Variants in PSD observed in about 807,000 individuals in gnomAD.
PSD encodes PH and SEC7 domain-containing protein 1.
In PSD, 32 loss-of-function variants were observed where a neutral mutation model predicts 91.6. The observed-to-expected ratio is 0.35, with a 90% CI of 0.26 to 0.47. The LOEUF is 0.47. PSD is among the 20% of genes least tolerant of loss of function. The pLI is 1.00. For missense variants in PSD, 1,099 were observed against 1,373.9 expected (o/e 0.80, Z 3.16); for synonymous variants, 532 against 569.3 (o/e 0.93, Z 0.93).
Position 102,405,141 on chromosome 10 carries a change from C to A in PSD, c.2397+42G>T, listed in dbSNP as rs376410260. 1.2e-5 allele frequency: 20 copies of A among 1,610,596 alleles called. No individual in the cohort carries two copies. Among genetic ancestry groups the A allele is most frequent in the Non-Finnish European group, 1.6e-5 (19 of 1,179,366 alleles). ...CCACCCATCACCCCACACCCACCAG[C>A]CAACTCAGTCCCAGCCCCAGCCCCC... On this transcript the variant is annotated intron_variant, in intron 13 of 16. Coordinates refer to ENST00000020673, the MANE Select transcript of PSD (RefSeq NM_002779.5). The surrounding 1 kb of genome is among the most constrained non-coding windows in gnomAD (Gnocchi z 5.4).
In PSD at chr10:102,405,509, CAGAG is replaced by C; in HGVS notation, c.2159_2162del (p.Ser720CysfsTer29). On this transcript the variant is annotated frameshift_variant, in exon 12 of 17. Transcript: ENST00000020673. LOFTEE classifies it high-confidence loss of function. This position sits in a 1 kb window ranked among gnomAD's most constrained non-coding sequence, Gnocchi z 5.4. ...TGGGGTTGGGGTCGGCCAACTCAGA[CAGAG>C]AGCGTCTCAGCTCCTCCTCGTCTCT... 1 of 1,613,832 alleles carries C rather than the reference CAGAG, an allele frequency of 6.2e-7. No individual in the cohort carries two copies. The highest frequency in any genetic ancestry group is 8.5e-7 in the Non-Finnish European group (1 of 1,179,934).
In PSD at chr10:102,403,938, A is replaced by G. The variant is rs1251396099; in HGVS notation, c.2748T>C (p.Ser916=). ...THEAKLKAMA[S]ELREHRAAQL... is the part of the protein sequence containing the mutation. ...GGGCGGCCCGGTGCTCCCGCAGCTCACTTGCCATGGCCTTCAGCTTGGCCT... is the reference window on the plus strand; with the variant it reads ...GGGCGGCCCGGTGCTCCCGCAGCTCGCTTGCCATGGCCTTCAGCTTGGCCT... Residue 916 remains serine, a synonymous_variant, in exon 16 of 17, where the codon AGT becomes AGC. Coordinates refer to ENST00000020673, the MANE Select transcript of PSD (RefSeq NM_002779.5). This position sits in a 1 kb window ranked among gnomAD's most constrained non-coding sequence, Gnocchi z 6.7. 2.5e-6 allele frequency: 4 copies of G among 1,584,984 alleles called. No individual in the cohort carries two copies. In the Admixed American group the frequency reaches 7.2e-5, roughly 28 times the overall value.
Position 102,410,552 on chromosome 10 carries a change from T to A in PSD, c.2091+306A>T, listed in dbSNP as rs2061414480. Among the ~76,000 whole-genome samples the A allele has an allele frequency of 6.6e-6, 1 of 152,138 alleles. No homozygotes were observed. Among genetic ancestry groups the A allele is most frequent in the South Asian group, 2.1e-4 (1 of 4,832 alleles). The stretch of plus-strand genomic sequence containing the variant: ...TCCCGCCTTCCACCCCAGCGCACAC[T>A]GGAGGAGGGGAACTGAAGGCAAACG... On this transcript the variant is annotated intron_variant, in intron 10 of 16. Transcript: ENST00000020673. This position sits in a 1 kb window ranked among gnomAD's most constrained non-coding sequence, Gnocchi z 6.0.
rs1436244192 is a variant in PSD at position 102,404,558 on chromosome 10, A to T, written c.2700+25T>A. On this transcript the variant is annotated intron_variant, in intron 15 of 16. Transcript: ENST00000020673. This position sits in a 1 kb window ranked among gnomAD's most constrained non-coding sequence, Gnocchi z 5.7. ...GCCTAACACCCTCCATCCCACTGGC[A>T]CTAGGTGGACAGAGCTTGGGCTACC... 3 of 1,608,228 alleles carry T rather than the reference A, an allele frequency of 1.9e-6. No homozygotes were observed. Among genetic ancestry groups the T allele is most frequent in the Middle Eastern group, 3.3e-4 (2 of 5,972 alleles).
chr10:102,403,489 A>G lies in PSD; in HGVS notation c.2845-59T>C, dbSNP rs2061310763. 28 of 1,486,330 alleles carry G rather than the reference A, an allele frequency of 1.9e-5. No individual in the cohort carries two copies. Among genetic ancestry groups the G allele is most frequent in the Non-Finnish European group, 2.5e-5 (28 of 1,103,956 alleles). 92.1% of individuals were successfully genotyped at this position (1,486,330 alleles called of 1,614,324 possible). The stretch of plus-strand genomic sequence containing the variant: ...TTCTCTGCCTTCTGCCCACCCCACC[A>G]TCTGGACCAGGGAGGGCCGCCAGCA... On this transcript the variant is annotated intron_variant, in intron 16 of 16. Transcript: ENST00000020673. The surrounding 1 kb of genome is among the most constrained non-coding windows in gnomAD (Gnocchi z 6.7).
At chr10:102,411,247 A>G in intron 8 of PSD, 131 bp from the exon 9 acceptor site, 1 of 731,350 alleles carries the variant, frequency 1.4e-6, no homozygotes, top group Non-Finnish European at 2.2e-6. Flanking sequence ...CCGCTAGTAA[A>G]CCCTCCCCAC....
Position 102,403,304 on chromosome 10 carries a change from GAGA to G in PSD, c.2968_2970del (p.Ser990del), listed in dbSNP as rs773740534. On this transcript the variant is annotated inframe_deletion, in exon 17 of 17. Coordinates refer to ENST00000020673, the MANE Select transcript of PSD (RefSeq NM_002779.5). This position sits in a 1 kb window ranked among gnomAD's most constrained non-coding sequence, Gnocchi z 6.7. Reference sequence around the variant, plus strand: ...TTGGGCTGCAGGGAGGGACTGGAGTGAGAAGGAGGGAGTCCATCCTCTGTGCTC... The same window carrying G: ...TTGGGCTGCAGGGAGGGACTGGAGTGAGGAGGGAGTCCATCCTCTGTGCTC... 5 of 1,614,068 alleles carry G rather than the reference GAGA, an allele frequency of 3.1e-6. No individual in the cohort carries two copies. Among genetic ancestry groups the G allele is most frequent in the Admixed American group, 3.3e-5 (2 of 60,016 alleles).
chr10:102,418,884 G>A (rs894856663), upstream of PSD: 12 of 338,016 alleles, frequency 3.6e-5, no homozygotes, highest in African/African-American at 3.0e-4. Context: ...CCAGGGCCCA[G>A]AGCCCCGGAG....
intron 1 of PSD, 41 bp downstream of exon 1, chr10:102,418,660 T>C (rs1198584297): frequency 2.2e-6 from 1 of 453,140 alleles, no homozygotes; most frequent in East Asian, 7.0e-5. Flanking sequence ...TCCCAGCGCA[T>C]ACCCGGTGCA....
At chr10:102,406,656 T>C (rs1040658510) in intron 11 of PSD, among the ~76,000 whole-genome samples, 10 of 152,168 alleles carry the variant, frequency 6.6e-5, no homozygotes, top group East Asian at 3.9e-4. Flanking sequence ...TACAGGTGCG[T>C]GCCACCACGC....
Position 102,403,503 on chromosome 10 carries a change from G to T in PSD, c.2845-73C>A. 2 of 1,417,180 alleles carry T rather than the reference G, an allele frequency of 1.4e-6. No individual in the cohort carries two copies. The highest frequency in any genetic ancestry group is 2.4e-5 in the East Asian group (1 of 40,820). 87.8% of individuals were successfully genotyped at this position (1,417,180 alleles called of 1,614,324 possible). Reference sequence around the variant, plus strand: ...CCCACCCCACCATCTGGACCAGGGAGGGCCGCCAGCAGGGCAGAAGATGGC... The same window carrying T: ...CCCACCCCACCATCTGGACCAGGGATGGCCGCCAGCAGGGCAGAAGATGGC... On this transcript the variant is annotated intron_variant, in intron 16 of 16. Transcript: ENST00000020673. The surrounding 1 kb of genome is among the most constrained non-coding windows in gnomAD (Gnocchi z 6.7).
rs1283097179 is a variant in PSD at position 102,416,631 on chromosome 10, C to T, written c.408G>A (p.Arg136=). ...AGCCAGGCCCAAGGGCTGGGGTGGGCCTGGGAGGAGAAACCCCACCCAGAT... is the reference window on the plus strand; with the variant it reads ...AGCCAGGCCCAAGGGCTGGGGTGGGTCTGGGAGGAGAAACCCCACCCAGAT... The part of the protein sequence containing the change: ...SWDLGGVSPP[R]PTPALGPGSN... The change falls in exon 2 of 17, where the codon AGG becomes AGA. Residue 136 remains arginine (R), a synonymous_variant. Coordinates refer to ENST00000020673, the MANE Select transcript of PSD (RefSeq NM_002779.5). This position sits in a 1 kb window ranked among gnomAD's most constrained non-coding sequence, Gnocchi z 6.0. 1 of 1,607,152 alleles carries T rather than the reference C, an allele frequency of 6.2e-7. No individual in the cohort carries two copies. Among genetic ancestry groups the T allele is most frequent in the Admixed American group, 1.7e-5 (1 of 59,054 alleles).
In PSD at chr10:102,403,017, G is replaced by T. The variant is rs1349038756; in HGVS notation, c.*183C>A. 3.3e-5 allele frequency: 13 copies of T among 388,658 alleles called. No individual in the cohort carries two copies. The highest frequency in any genetic ancestry group is 4.5e-5 in the Non-Finnish European group (10 of 220,674). 24.1% of individuals were successfully genotyped at this position (388,658 alleles called of 1,614,324 possible). On this transcript the variant is annotated 3_prime_UTR_variant, in exon 17 of 17. Coordinates refer to ENST00000020673, the MANE Select transcript of PSD (RefSeq NM_002779.5). The surrounding 1 kb of genome is among the most constrained non-coding windows in gnomAD (Gnocchi z 6.7). The stretch of plus-strand genomic sequence containing the variant: ...TTATCACAAAAAGGGGCTCTCGGAG[G>T]TGCCCCTAGCCTAGGCTCCTGAGGC...
rs754826345 is a variant in PSD, at chr10:102,414,987, G to T, written c.1000C>A (p.Arg334=). Residue 334 remains arginine (R), a synonymous_variant, in exon 4 of 17, where the codon CGG becomes AGG. Coordinates refer to ENST00000020673, the MANE Select transcript of PSD (RefSeq NM_002779.5). The surrounding 1 kb of genome is among the most constrained non-coding windows in gnomAD (Gnocchi z 5.6). ...PPGTAYPPAP[R]PGPLPGPHPS... is the part of the protein sequence containing the mutation. ...TGAGGGCCAGGGAGTGGGCCGGGCC[G>T]TGGGGCAGGTGGGTAGGCAGTGCCT... 68 of 1,600,022 alleles carry T rather than the reference G, an allele frequency of 4.2e-5. No homozygotes were observed. Among genetic ancestry groups the T allele is most frequent in the Non-Finnish European group, 5.7e-5 (67 of 1,170,168 alleles).
Position 102,414,163 on chromosome 10 carries a change from G to A in PSD, c.1159C>T (p.Pro387Ser), listed in dbSNP as rs1199650528. Residue 387 changes from proline (P) to serine (S), a missense_variant, in exon 5 of 17, where the codon CCC becomes TCC. Pro to Ser is a moderately conservative substitution (Grantham distance 74). Transcript: ENST00000020673. This position sits in a 1 kb window ranked among gnomAD's most constrained non-coding sequence, Gnocchi z 5.6. Reference protein sequence around the residue: ...GSRMPLKSPVPFLPGTSPSAD... With the variant: ...GSRMPLKSPVSFLPGTSPSAD... Reference sequence around the variant, plus strand: ...GAGGGGCTCGTCCCAGGTAGAAAGGGCACAGGTGACTTGAGAGGCATCCGG... The same window carrying A: ...GAGGGGCTCGTCCCAGGTAGAAAGGACACAGGTGACTTGAGAGGCATCCGG... 4 of 1,613,334 alleles carry A rather than the reference G, an allele frequency of 2.5e-6. No homozygotes were observed. The highest frequency in any genetic ancestry group is 1.7e-4 in the Middle Eastern group (1 of 6,050).
chr10:102,412,174 G>T lies in PSD; in HGVS notation c.1802C>A (p.Thr601Lys). 1 of 1,614,144 alleles carries T rather than the reference G, an allele frequency of 6.2e-7. No individual in the cohort carries two copies. Among genetic ancestry groups the T allele is most frequent in the Non-Finnish European group, 8.5e-7 (1 of 1,180,000 alleles). The change falls in exon 7 of 17, where the codon ACG becomes AAG. Residue 601 changes from threonine (T) to lysine (K), a missense_variant. Transcript: ENST00000020673. ...AGEYLKFFVF[T>K]GMTLDQALRV... ...GAGAGCTTGGTCCAGAGTCATGCCCGTGAAGACAAAGAACTTGAGGTACTC... is the reference window on the plus strand; with the variant it reads ...GAGAGCTTGGTCCAGAGTCATGCCCTTGAAGACAAAGAACTTGAGGTACTC...
In PSD at chr10:102,416,947, A is replaced by C; in HGVS notation, c.92T>G (p.Val31Gly). ...CATGCTGGCTGGGGGGCTCTGGGGC[A>C]CCGGGCCTTCGGGGAGCCAGCGGCG... Reference protein sequence around the residue: ...CPRRWLPEGPVPQSPPASMYG... With the variant: ...CPRRWLPEGPGPQSPPASMYG... The change falls in exon 2 of 17, where the codon GTG becomes GGG. Residue 31 changes from valine (V) to glycine (G), a missense_variant. Around this residue, in one of 3 missense-constraint regions of PSD, gnomAD observed 631 missense variants for 728.8 expected, o/e 0.87. Transcript: ENST00000020673. This position sits in a 1 kb window ranked among gnomAD's most constrained non-coding sequence, Gnocchi z 6.0. 1 of 1,603,132 alleles carries C rather than the reference A, an allele frequency of 6.2e-7. No homozygotes were observed. Among genetic ancestry groups the C allele is most frequent in the Non-Finnish European group, 8.5e-7 (1 of 1,179,400 alleles).
Position 102,416,964 on chromosome 10 carries a change from C to A in PSD, c.75G>T (p.Trp25Cys). ...TCTGGGGCACCGGGCCTTCGGGGAG[C>A]CAGCGGCGTGGGCATCGTGGTGGGG... ...AISPPRCPRR[W>C]LPEGPVPQSP... Residue 25 changes from tryptophan (W) to cysteine (C), a missense_variant, in exon 2 of 17, where the codon TGG becomes TGT. Around this residue, in one of 3 missense-constraint regions of PSD, gnomAD observed 631 missense variants for 728.8 expected, o/e 0.87. Coordinates refer to ENST00000020673, the MANE Select transcript of PSD (RefSeq NM_002779.5). The surrounding 1 kb of genome is among the most constrained non-coding windows in gnomAD (Gnocchi z 6.0). The A allele has an allele frequency of 6.2e-7, 1 of 1,601,618 alleles. No individual in the cohort carries two copies. The highest frequency in any genetic ancestry group is 8.5e-7 in the Non-Finnish European group (1 of 1,179,376).
Position 102,403,101 on chromosome 10 carries a change from C to T in PSD, c.*99G>A, listed in dbSNP as rs1012293351. The T allele has an allele frequency of 2.0e-5, 21 of 1,031,676 alleles. No homozygotes were observed. Among genetic ancestry groups the T allele is most frequent in the African/African-American group, 6.7e-5 (4 of 59,470 alleles). The allele number at this position is 1,031,676 out of a possible 1,614,324, so 63.9% of individuals were successfully genotyped here. On this transcript the variant is annotated 3_prime_UTR_variant, in exon 17 of 17. Coordinates refer to ENST00000020673, the MANE Select transcript of PSD (RefSeq NM_002779.5). This position sits in a 1 kb window ranked among gnomAD's most constrained non-coding sequence, Gnocchi z 6.7. ...CGTCCGGCGCGGTCGGGCCCTAGGC[C>T]GGGAGGCCCTCGTGGGTGGCCCGAG...
Sources: allele counts gnomAD v4.1 joint callset (sites outside exome capture counted in the v4.1 genomes callset), GRCh38; gene constraint gnomAD v4.1.1; regional missense constraint gnomAD v4.1.1; non-coding constraint Gnocchi (gnomAD v3.1); transcripts MANE v1.5; gene names NCBI Gene and HGNC (gene_info 2026-07-23, HGNC 2026-07-21).